The following TRPS1 variants were observed in gnomAD, a reference collection of about 807,000 sequenced individuals.
TRPS1 encodes zinc finger transcription factor Trps1.
In TRPS1, 6 loss-of-function variants were observed where a neutral mutation model predicts 101.2. The ratio of observed to expected loss-of-function variants is 0.06; its 90% CI spans 0.03 to 0.12. The LOEUF (loss-of-function observed/expected upper bound fraction) is 0.12, where lower values mean the gene tolerates loss of function less well. Ranked by LOEUF, TRPS1 falls within the 10% of genes least tolerant of loss-of-function variation. TRPS1 has a pLI of 1.00. For synonymous variants in TRPS1, 578 were observed against 589.8 expected, an observed-to-expected ratio of 0.98 and a Z score of 0.29; for missense variants, 1,363 against 1,567.0, an observed-to-expected ratio of 0.87 and a Z score of 2.20.
At chr8:115,625,566 A>G (rs1168629214) in intron 1 of TRPS1, among the ~76,000 whole-genome samples, 2 of 151,790 alleles carry the variant, frequency 1.3e-5, no homozygotes, top group Non-Finnish European at 3.0e-5. Flanking sequence ...AATATATCCA[A>G]CCTCAGTTAT....
intron 1 of TRPS1, among the ~76,000 whole-genome samples, chr8:115,633,398 A>G (rs748645358): frequency 6.6e-6 from 1 of 152,088 alleles, no homozygotes; most frequent in Non-Finnish European, 1.5e-5. Context: ...TGGAAGGACA[A>G]GCACAGACAC....
At chr8:115,538,595 A>T (rs1396086270) in intron 5 of TRPS1, among the ~76,000 whole-genome samples, 1 of 28,790 alleles carries the variant, frequency 3.5e-5, no homozygotes, top group Non-Finnish European at 7.5e-5. Context: ...TTCAGAAAAT[A>T]AAAAAAAAAA....
chr8:115,652,873 G>T (rs1002315021), intron 1 of TRPS1, among the ~76,000 whole-genome samples: 1 of 152,146 alleles, frequency 6.6e-6, no homozygotes, highest in African/African-American at 2.4e-5. Flanking sequence ...TCCAAAATAG[G>T]TGACTACATT....
intron 5 of TRPS1, among the ~76,000 whole-genome samples, chr8:115,525,629 AGAGT>A (rs1332112739): frequency 6.6e-6 from 1 of 152,208 alleles, no homozygotes; most frequent in Non-Finnish European, 1.5e-5. Context: ...ACATCTTAGT[AGAGT>A]GAGAGAGTGG....
chr8:115,598,650 T>C (rs867340994), intron 4 of TRPS1, among the ~76,000 whole-genome samples: 2 of 152,194 alleles, frequency 1.3e-5, no homozygotes, highest in African/African-American at 4.8e-5. Context: ...AATGTTTGTT[T>C]GGATTTGCTC....
chr8:115,568,687 TCA>T (rs1356224268), intron 5 of TRPS1, among the ~76,000 whole-genome samples: 3 of 152,116 alleles, frequency 2.0e-5, no homozygotes, highest in South Asian at 2.1e-4. Context: ...GATCAAAATT[TCA>T]CATAGTTCCA....
Position 115,668,717 on chromosome 8 carries a change from AAG to A in TRPS1, c.-296_-295del, listed in dbSNP as rs10546472. On this transcript the variant is annotated 5_prime_UTR_variant, in exon 1 of 7. Coordinates refer to ENST00000395715, the MANE Select transcript of TRPS1 (RefSeq NM_014112.5). ...TTTCCCTCCCCCACCCTTATTAAAA[AAG>A]AGAGAGAGAGAGAGAGAGAGAGAAA... The A allele has an allele frequency of 2.5e-4, 35 of 139,114 alleles. No homozygotes were observed. The highest frequency in any genetic ancestry group is 1.4e-3 in the South Asian group (6 of 4,362). The allele number at this position is 139,114 out of a possible 1,614,324, so 8.6% of individuals were successfully genotyped here.
intron 5 of TRPS1, among the ~76,000 whole-genome samples, chr8:115,551,750 A>C (rs1418610725): frequency 6.6e-6 from 1 of 152,260 alleles, no homozygotes; most frequent in Non-Finnish European, 1.5e-5. Context: ...AAATATGATT[A>C]CATGGAATAA....
At position 115,619,247 on chromosome 8, in the gene TRPS1, A is replaced by C. The variant is rs752721513; in HGVS notation, c.851T>G (p.Val284Gly). 6.2e-7 allele frequency: 1 copy of C among 1,614,088 alleles called. No homozygotes were observed. The highest frequency in any genetic ancestry group is 8.5e-7 in the Non-Finnish European group (1 of 1,179,940). Residue 284 changes from valine (V) to glycine (G), a missense_variant, in exon 3 of 7, where the codon GTG becomes GGG. Transcript: ENST00000395715. ...GAAGTCTTTGGAATGGCTGAACTGC[A>C]CCATGTTATGAAGGGCCAAGATTTT... ...DSKILALHNM[V>G]QFSHSKDFQK... is the part of the protein sequence containing the mutation.
At chr8:115,467,663 G>T (rs1254538674) in intron 5 of TRPS1, among the ~76,000 whole-genome samples, 2 of 152,156 alleles carry the variant, frequency 1.3e-5, no homozygotes, top group African/African-American at 2.4e-5. Flanking sequence ...CATGGAATGT[G>T]ATAGCTAGCA....
intron 1 of TRPS1, among the ~76,000 whole-genome samples, chr8:115,639,961 TTAAAG>T (rs1263072727): frequency 1.3e-5 from 2 of 152,196 alleles, no homozygotes; most frequent in East Asian, 1.9e-4. Flanking sequence ...CCTTAACTTC[TTAAAG>T]TAGTCAATAC....
intron 1 of TRPS1, among the ~76,000 whole-genome samples, chr8:115,656,269 C>G (rs1454017066): frequency 6.6e-6 from 1 of 152,068 alleles, no homozygotes; most frequent in African/African-American, 2.4e-5. Flanking sequence ...GAATGCCGAT[C>G]GTCTCATGCA....
chr8:115,617,855 A>G (rs531521012), intron 3 of TRPS1, among the ~76,000 whole-genome samples: 13 of 152,294 alleles, frequency 8.5e-5, no homozygotes, highest in Admixed American at 2.6e-4. Context: ...GTGGAAAATC[A>G]CAAACTAAGA....
chr8:115,561,716 T>G (rs914075667), intron 5 of TRPS1, among the ~76,000 whole-genome samples: 1 of 152,102 alleles, frequency 6.6e-6, no homozygotes. Flanking sequence ...GCTCCAGTCA[T>G]GCACAGCTAC....
chr8:115,521,584 A>T (rs1303402821), intron 5 of TRPS1, among the ~76,000 whole-genome samples: 2 of 151,926 alleles, frequency 1.3e-5, no homozygotes, highest in East Asian at 3.9e-4. Context: ...TTATACAATA[A>T]TATCTCTAAT....
At chr8:115,646,113 TAGAAAC>T (rs1265991757) in intron 1 of TRPS1, among the ~76,000 whole-genome samples, 1 of 152,168 alleles carries the variant, frequency 6.6e-6, no homozygotes, top group Non-Finnish European at 1.5e-5. Flanking sequence ...TTACAAAGAT[TAGAAAC>T]AGAACAATCA....
At chr8:115,588,062 C>CT (rs1426919515) in intron 4 of TRPS1, among the ~76,000 whole-genome samples, 1 of 152,298 alleles carries the variant, frequency 6.6e-6, no homozygotes, top group African/African-American at 2.4e-5. Flanking sequence ...TTAAAATGCC[C>CT]TTTTCACTTT....
chr8:115,626,988 G>GA (rs1449583168), intron 1 of TRPS1, among the ~76,000 whole-genome samples: 1 of 151,514 alleles, frequency 6.6e-6, no homozygotes, highest in African/African-American at 2.4e-5. Flanking sequence ...ACATGTTAAA[G>GA]AAAAAATGCA....
At chr8:115,508,234 A>G (rs540625050) in intron 5 of TRPS1, among the ~76,000 whole-genome samples, 49 of 152,272 alleles carry the variant, frequency 3.2e-4, no homozygotes, top group African/African-American at 9.1e-4. Flanking sequence ...AACTTGATGT[A>G]TATCACAAAT....
Sources: gnomAD v4.1 joint callset for allele counts (sites outside exome capture counted in the v4.1 genomes callset) on GRCh38, gnomAD v4.1.1 for gene constraint, MANE v1.5 for transcripts, NCBI Gene and HGNC (gene_info 2026-07-23, HGNC 2026-07-21) for gene names.